The following SYT16 variants were observed in gnomAD, a reference collection of about 807,000 sequenced individuals.
SYT16 encodes the protein synaptotagmin 16.
A neutral mutation model predicts 61.4 loss-of-function variants in SYT16; 42 were observed. The observed-to-expected ratio is 0.68, with a 90% CI of 0.53 to 0.89. SYT16 has a LOEUF of 0.89. SYT16 is among the 40% of genes least tolerant of loss of function. SYT16 has a pLI of 0.00. For synonymous variants in SYT16, 314 were observed against 302.3 expected (o/e 1.04, Z -0.40); for missense variants, 804 against 807.3 (o/e 1.00, Z 0.05).
At chr14:62,034,716 G>T (rs146031100) in intron 3 of SYT16, among the ~76,000 whole-genome samples, 1 of 152,096 alleles carries the variant, frequency 6.6e-6, no homozygotes, top group Admixed American at 6.6e-5. Flanking sequence ...TTCCAGGGGT[G>T]GGGGAGAATG....
intron 1 of SYT16, among the ~76,000 whole-genome samples, chr14:61,930,207 T>C (rs1161475655): frequency 1.3e-5 from 2 of 152,274 alleles, no homozygotes; most frequent in Admixed American, 6.5e-5. Flanking sequence ...TATCTCTCAC[T>C]TCATCCATGA....
chr14:61,944,587 A>C (rs1417941249), intron 1 of SYT16, among the ~76,000 whole-genome samples: 3 of 152,164 alleles, frequency 2.0e-5, no homozygotes, highest in Non-Finnish European at 2.9e-5. Context: ...CCACACATAC[A>C]TCTACAACCA....
intron 1 of SYT16, among the ~76,000 whole-genome samples, chr14:61,916,194 T>C (rs1262074038): frequency 6.6e-6 from 1 of 152,186 alleles, no homozygotes; most frequent in African/African-American, 2.4e-5. Flanking sequence ...AATTTAGCTT[T>C]GAGCAGATTT....
chr14:61,887,942 A>G (rs1274803737), intron 1 of SYT16, among the ~76,000 whole-genome samples: 15 of 152,038 alleles, frequency 9.9e-5, no homozygotes, highest in Non-Finnish European at 1.5e-5. Flanking sequence ...TGCATTCACA[A>G]CTTGGCTAAC....
At chr14:62,022,938 C>A (rs1395941280) in intron 3 of SYT16, among the ~76,000 whole-genome samples, 1 of 152,108 alleles carries the variant, frequency 6.6e-6, no homozygotes, top group East Asian at 1.9e-4. Context: ...TTTAAATATT[C>A]ATGCTTAAAA....
chr14:61,922,677 C>A (rs1318602047), intron 1 of SYT16, among the ~76,000 whole-genome samples: 1 of 152,044 alleles, frequency 6.6e-6, no homozygotes, highest in Non-Finnish European at 1.5e-5. Context: ...TACATGTGCC[C>A]CTGAACCTAA....
At chr14:62,063,056 T>A (rs2055897852) in intron 3 of SYT16, among the ~76,000 whole-genome samples, 3 of 152,202 alleles carry the variant, frequency 2.0e-5, no homozygotes, top group Non-Finnish European at 4.4e-5. Context: ...TGAGCAGGTG[T>A]TGGGCACTTC....
intron 2 of SYT16, among the ~76,000 whole-genome samples, chr14:61,993,987 C>T (rs1438166297): frequency 6.6e-6 from 1 of 152,108 alleles, no homozygotes; most frequent in Admixed American, 6.6e-5. Flanking sequence ...GTGTAAACCT[C>T]ATATAAAATC....
intron 3 of SYT16, among the ~76,000 whole-genome samples, chr14:62,040,257 T>A (rs982973688): frequency 2.6e-5 from 4 of 152,106 alleles, no homozygotes; most frequent in South Asian, 2.1e-4. Context: ...CCAAACCTCA[T>A]GAAGATATGG....
chr14:61,892,020 G>T (rs2048150315), intron 1 of SYT16, among the ~76,000 whole-genome samples: 1 of 152,072 alleles, frequency 6.6e-6, no homozygotes, highest in Admixed American at 6.5e-5. Flanking sequence ...GGGTTTGGCT[G>T]GACTGAAGCA....
At chr14:62,060,296 A>G (rs2140915845) in intron 3 of SYT16, among the ~76,000 whole-genome samples, 1 of 152,166 alleles carries the variant, frequency 6.6e-6, no homozygotes, top group East Asian at 1.9e-4. Context: ...ATTTACTTCT[A>G]AGTATTAGTG....
chr14:61,861,153 G>C (rs73256474), intron 1 of SYT16, among the ~76,000 whole-genome samples: 21,135 of 152,062 alleles, frequency 0.14, 1,646 homozygotes, highest in African/African-American at 0.21. Context: ...CCAACTGGGA[G>C]GGAATCTGAA....
chr14:61,953,849 G>A (rs551980294), intron 1 of SYT16, among the ~76,000 whole-genome samples: 15 of 152,252 alleles, frequency 9.9e-5, no homozygotes, highest in East Asian at 9.7e-4. Context: ...CCTTAGGGAA[G>A]TGGATTCCTG....
intron 1 of SYT16, among the ~76,000 whole-genome samples, chr14:61,945,990 A>G (rs1322984271): frequency 6.6e-6 from 1 of 151,998 alleles, no homozygotes; most frequent in East Asian, 1.9e-4. Context: ...GTTCTCACCC[A>G]TAAGTGGGAG....
At chr14:61,957,485 A>G (rs2050924600) in intron 1 of SYT16, among the ~76,000 whole-genome samples, 3 of 151,860 alleles carry the variant, frequency 2.0e-5, no homozygotes, top group Admixed American at 6.6e-5. Flanking sequence ...AGTTCCTTCT[A>G]TACTTATTGA....
chr14:61,960,740 A>G (rs553651694), intron 1 of SYT16, among the ~76,000 whole-genome samples: 1 of 152,096 alleles, frequency 6.6e-6, no homozygotes, highest in Admixed American at 6.6e-5. Context: ...TACTATGTTG[A>G]GTAGGAGTGA....
intron 1 of SYT16, among the ~76,000 whole-genome samples, chr14:61,862,219 A>G (rs1304173402): frequency 6.6e-6 from 1 of 152,252 alleles, no homozygotes; most frequent in African/African-American, 2.4e-5. Flanking sequence ...TTCATCTTGT[A>G]GAACATTTCT....
chr14:61,995,568 G>A (rs762014617), intron 2 of SYT16, among the ~76,000 whole-genome samples: 1 of 152,040 alleles, frequency 6.6e-6, no homozygotes, highest in Admixed American at 6.6e-5. Flanking sequence ...TGCCCAATTG[G>A]ATCTTAATGA....
At chr14:62,082,279 T>A (rs1023881389) in intron 6 of SYT16, among the ~76,000 whole-genome samples, 7 of 152,114 alleles carry the variant, frequency 4.6e-5, no homozygotes, top group African/African-American at 1.7e-4. Flanking sequence ...TGGTGGCAGA[T>A]CTGTCTGCTT....
Sources: allele counts gnomAD v4.1 joint callset (sites outside exome capture counted in the v4.1 genomes callset), GRCh38; gene constraint gnomAD v4.1.1; transcripts MANE v1.5; gene names NCBI Gene and HGNC (gene_info 2026-07-23, HGNC 2026-07-21).